The following PAG1 variants were observed in gnomAD, a reference collection of about 807,000 sequenced individuals.
PAG1 encodes the protein phosphoprotein membrane anchor with glycosphingolipid microdomains 1, also known as phosphoprotein associated with glycosphingolipid-enriched microdomains 1.
PAG1 carries 23 observed loss-of-function variants against 31.7 expected under a neutral mutation model. The ratio of observed to expected loss-of-function variants is 0.73; its 90% confidence interval spans 0.52 to 1.03. PAG1 has a LOEUF of 1.03. Among genes scored for constraint, PAG1 ranks in the 50% least tolerant of loss-of-function variants. The probability of loss-of-function intolerance (pLI) is 0.00; values close to 1 mark genes in which losing one functional copy is unlikely to be tolerated. For missense variants in PAG1, 473 were observed against 540.7 expected, an observed-to-expected ratio of 0.87 and a Z score of 1.24; for synonymous variants, 214 against 210.3, an observed-to-expected ratio of 1.02 and a Z score of -0.15.
intron 2 of PAG1, chr8:81,067,702 T>C (rs1809030118): frequency 6.6e-6 from 1 of 152,192 alleles, no homozygotes; most frequent in Non-Finnish European, 1.5e-5. Flanking sequence ...TTGTTAAAAG[T>C]TCTGACAAGC....
intron 3 of PAG1, among the ~76,000 whole-genome samples, chr8:80,993,684 A>G (rs1454222353): frequency 1.4e-5 from 2 of 144,652 alleles, no homozygotes; most frequent in African/African-American, 2.6e-5. Context: ...TGCAGCCTTG[A>G]CCTCCCTGGG....
Position 81,086,288 on chromosome 8 carries a change from C to T in PAG1, c.-233-16118G>A, listed in dbSNP as rs189810539. On this transcript the variant is annotated intron_variant, in intron 1 of 8. Transcript: ENST00000220597. Reference sequence around the variant, plus strand: ...GAGCCACCGCGCCCGGCCAATCTGGCTTGTTTTTACAGGCTATTTCATAAT... The same window carrying T: ...GAGCCACCGCGCCCGGCCAATCTGGTTTGTTTTTACAGGCTATTTCATAAT... Among the ~76,000 whole-genome samples, 361 of 152,132 alleles carry T rather than the reference C, an allele frequency of 2.4e-3. 4 individuals are homozygous for T. Among genetic ancestry groups the T allele is most frequent in the African/African-American group, 8.4e-3 (347 of 41,528 alleles).
chr8:81,026,628 C>G (rs901367863), intron 3 of PAG1, among the ~76,000 whole-genome samples: 2 of 151,930 alleles, frequency 1.3e-5, no homozygotes, highest in African/African-American at 4.8e-5. Context: ...CTGGTGTGTG[C>G]TAAAGATCAG....
intron 2 of PAG1, among the ~76,000 whole-genome samples, chr8:81,042,589 T>C (rs1261425941): frequency 6.7e-6 from 1 of 149,210 alleles, no homozygotes; most frequent in Non-Finnish European, 1.5e-5. Flanking sequence ...TTTAACTTTT[T>C]GTTCAGGCTA....
intron 3 of PAG1, among the ~76,000 whole-genome samples, chr8:80,996,713 C>T (rs1807680665): frequency 6.6e-6 from 1 of 152,210 alleles, no homozygotes; most frequent in African/African-American, 2.4e-5. Context: ...GGGCCCAGTG[C>T]TCTGCCCCTA....
chr8:81,007,194 C>T (rs564189275), intron 3 of PAG1, among the ~76,000 whole-genome samples: 2 of 152,190 alleles, frequency 1.3e-5, no homozygotes, highest in South Asian at 4.1e-4. Context: ...ATATTAGAGA[C>T]ATGTTGTGGG....
chr8:81,090,539 C>T (rs556708630), intron 1 of PAG1, among the ~76,000 whole-genome samples: 37 of 152,268 alleles, frequency 2.4e-4, no homozygotes, highest in Admixed American at 3.9e-4. Flanking sequence ...AAAGAGAGAC[C>T]ACTAACCAGC....
chr8:81,032,144 A>T (rs1422575181), intron 2 of PAG1, among the ~76,000 whole-genome samples: 1 of 152,230 alleles, frequency 6.6e-6, no homozygotes, highest in Admixed American at 6.5e-5. Flanking sequence ...CTAAATCTTC[A>T]TGAGCTCAGA....
chr8:81,048,727 C>T (rs1027820615), intron 2 of PAG1, among the ~76,000 whole-genome samples: 2 of 152,104 alleles, frequency 1.3e-5, no homozygotes, highest in Admixed American at 6.5e-5. Context: ...ACATCAACGA[C>T]GCTAGCATCA....
intron 1 of PAG1, among the ~76,000 whole-genome samples, chr8:81,079,059 C>CCAGT (rs1421085193): frequency 6.6e-6 from 1 of 152,142 alleles, no homozygotes; most frequent in Non-Finnish European, 1.5e-5. Context: ...TGCCAGGACT[C>CCAGT]AACCTTTGCA....
At chr8:81,014,126 G>GT (rs1412073314) in intron 3 of PAG1, among the ~76,000 whole-genome samples, 1 of 152,064 alleles carries the variant, frequency 6.6e-6, no homozygotes, top group Non-Finnish European at 1.5e-5. Flanking sequence ...GCAAACAAAC[G>GT]TAAAAAATAT....
At chr8:81,078,255 C>T (rs1809209382) in intron 1 of PAG1, among the ~76,000 whole-genome samples, 1 of 152,164 alleles carries the variant, frequency 6.6e-6, no homozygotes, top group Non-Finnish European at 1.5e-5. Flanking sequence ...TTACTAAAGA[C>T]ATTTTGTAGA....
intron 2 of PAG1, among the ~76,000 whole-genome samples, chr8:81,055,838 C>G (rs1487614875): frequency 6.6e-6 from 1 of 152,228 alleles, no homozygotes; most frequent in African/African-American, 2.4e-5. Flanking sequence ...AATTGCTTAT[C>G]AGCTAAAGGA....
Position 81,057,814 on chromosome 8 carries a change from C to T in PAG1, c.-175+12298G>A, listed in dbSNP as rs1162375248. On this transcript the variant is annotated intron_variant, in intron 2 of 8. Transcript: ENST00000220597. ...TAAAATGTACTAGAATATCAAAGTCCAGTCTTTTACTTATAACGTAAATCC... is the reference window on the plus strand; with the variant it reads ...TAAAATGTACTAGAATATCAAAGTCTAGTCTTTTACTTATAACGTAAATCC... Among the ~76,000 whole-genome samples the T allele has an allele frequency of 2.0e-5, 3 of 152,238 alleles. No homozygotes were observed. The East Asian group carries it at 5.8e-4, about 29-fold the overall frequency.
intron 1 of PAG1, among the ~76,000 whole-genome samples, chr8:81,097,612 T>A (rs1809548214): frequency 6.6e-6 from 1 of 152,012 alleles, no homozygotes; most frequent in African/African-American, 2.4e-5. Context: ...AAGGCGAGGT[T>A]CGTAATTTCA....
rs878867941 is a variant in PAG1, at chr8:80,967,993, T to C, written c.*8551A>G. 7.9e-5 allele frequency: 11 copies of C among 139,714 alleles called. No individual in the cohort carries two copies. The South Asian group carries it at 2.7e-3, about 35-fold the overall frequency. 8.7% of individuals were successfully genotyped at this position (139,714 alleles called of 1,614,324 possible). A position where few individuals can be genotyped will look rare whatever the true frequency, so the allele number is the denominator to read the frequency against. ...ACTCCAGTCTTTTCTGGATATTCAA[T>C]TGAAATACTACTGGCAGAAACATAC... On this transcript the variant is annotated 3_prime_UTR_variant, in exon 9 of 9. Transcript: ENST00000220597.
chr8:81,049,220 A>C (rs11986666), intron 2 of PAG1, among the ~76,000 whole-genome samples: 13,363 of 152,286 alleles, frequency 0.088, 824 homozygotes, highest in African/African-American at 0.17. Context: ...CATTAGCTTC[A>C]CAACATATCT....
In PAG1 at chr8:80,981,862, C is replaced by CTTT. The variant is rs57438015; in HGVS notation, c.877-1371_877-1369dup. On this transcript the variant is annotated intron_variant, in intron 7 of 8. Coordinates refer to ENST00000220597, the MANE Select transcript of PAG1 (RefSeq NM_018440.4). ...TTCTACCTACTCATTATCTCACTTC[C>CTTT]TTTTTTTTTTTTTTTTTTTTTTTGA... is the stretch of plus-strand genomic sequence containing the variant. Among the ~76,000 whole-genome samples, 55 of 103,424 alleles carry CTTT rather than the reference C, an allele frequency of 5.3e-4. 2 individuals are homozygous for CTTT. The highest frequency in any genetic ancestry group is 1.8e-3 in the African/African-American group (36 of 19,992). The allele number at this position is 103,424 out of a possible 152,430, so 67.9% of individuals were successfully genotyped here. A position where few individuals can be genotyped will look rare whatever the true frequency, so the allele number is the denominator to read the frequency against.
chr8:81,077,591 T>C (rs1809200232), intron 1 of PAG1, among the ~76,000 whole-genome samples: 2 of 152,254 alleles, frequency 1.3e-5, no homozygotes, highest in Admixed American at 1.3e-4. Context: ...TCTTCAGGTG[T>C]AAAGAGAATG....
Sources: gnomAD v4.1 joint callset for allele counts (sites outside exome capture counted in the v4.1 genomes callset) on GRCh38, gnomAD v4.1.1 for gene constraint, MANE v1.5 for transcripts, NCBI Gene and HGNC (gene_info 2026-07-23, HGNC 2026-07-21) for gene names.